ZDHHC14: variants seen among roughly 807,000 people sequenced by gnomAD.
ZDHHC14 encodes zDHHC palmitoyltransferase 14.
Under a neutral mutation model 47.7 loss-of-function variants are expected in ZDHHC14, and 16 were observed. The observed-to-expected ratio is 0.34, with a 90% CI of 0.23 to 0.51. The LOEUF is 0.51. Ranked by LOEUF, ZDHHC14 falls within the 20% of genes least tolerant of loss-of-function variation. ZDHHC14 has a pLI of 0.97. For synonymous variants in ZDHHC14, 293 were observed against 278.9 expected (o/e 1.05, Z -0.50); for missense variants, 515 against 662.5 (o/e 0.78, Z 2.44).
chr6:157,421,492 C>CAAAAAAA (rs147380621), intron 1 of ZDHHC14, among the ~76,000 whole-genome samples: 45 of 56,696 alleles, frequency 7.9e-4, no homozygotes, highest in Admixed American at 1.1e-3. Context: ...GACTCCGTCT[C>CAAAAAAA]AAAAAAAAAA....
At chr6:157,614,682 G>C (rs1311634259) in intron 3 of ZDHHC14, among the ~76,000 whole-genome samples, 1 of 152,114 alleles carries the variant, frequency 6.6e-6, no homozygotes, top group Non-Finnish European at 1.5e-5. Context: ...TAGCAGGGCC[G>C]GGGTCACCAG....
At chr6:157,574,435 G>C (rs1353846739) in intron 2 of ZDHHC14, among the ~76,000 whole-genome samples, 1 of 152,024 alleles carries the variant, frequency 6.6e-6, no homozygotes, top group African/African-American at 2.4e-5. Flanking sequence ...ATAAACATTG[G>C]AGCACCCGTG....
intron 3 of ZDHHC14, among the ~76,000 whole-genome samples, chr6:157,614,816 G>A (rs757712436): frequency 6.6e-6 from 1 of 150,414 alleles, no homozygotes; most frequent in Non-Finnish European, 1.5e-5. Context: ...TGTCACCCAC[G>A]CTGGAGTGCA....
chr6:157,428,350 T>C (rs926580087), intron 1 of ZDHHC14, among the ~76,000 whole-genome samples: 1 of 152,160 alleles, frequency 6.6e-6, no homozygotes, highest in Non-Finnish European at 1.5e-5. Context: ...GGGTAGTGTT[T>C]TTCTAAACCA....
intron 1 of ZDHHC14, among the ~76,000 whole-genome samples, chr6:157,478,016 C>T (rs927556983): frequency 6.6e-6 from 1 of 152,044 alleles, no homozygotes; most frequent in Non-Finnish European, 1.5e-5. Context: ...TAATTAAATA[C>T]CCTTTGTCAT....
chr6:157,418,471 G>C (rs1202935790), intron 1 of ZDHHC14, among the ~76,000 whole-genome samples: 1 of 152,154 alleles, frequency 6.6e-6, no homozygotes, highest in Non-Finnish European at 1.5e-5. Flanking sequence ...TATGGAACAG[G>C]ACATGTTTTT....
intron 1 of ZDHHC14, among the ~76,000 whole-genome samples, chr6:157,535,677 A>G (rs1039866165): frequency 6.6e-6 from 1 of 152,166 alleles, no homozygotes; most frequent in Admixed American, 6.5e-5. Flanking sequence ...ACGATTAGTC[A>G]CTAATCGTGC....
At chr6:157,479,693 G>A (rs940569602) in intron 1 of ZDHHC14, among the ~76,000 whole-genome samples, 9 of 152,192 alleles carry the variant, frequency 5.9e-5, no homozygotes, top group Non-Finnish European at 1.3e-4. Context: ...TGATCAAGTC[G>A]TTATCAGGAC....
At chr6:157,532,794 A>T (rs901210808) in intron 1 of ZDHHC14, among the ~76,000 whole-genome samples, 1 of 152,238 alleles carries the variant, frequency 6.6e-6, no homozygotes, top group African/African-American at 2.4e-5. Flanking sequence ...CAAGAGCTTC[A>T]GCCCGCTGAG....
At chr6:157,434,436 G>A (rs997021324) in intron 1 of ZDHHC14, among the ~76,000 whole-genome samples, 3 of 151,920 alleles carry the variant, frequency 2.0e-5, no homozygotes, top group African/African-American at 7.3e-5. Flanking sequence ...GACTGGAGTG[G>A]CCCTGCGTTC....
intron 1 of ZDHHC14, among the ~76,000 whole-genome samples, chr6:157,506,781 A>G (rs1780335637): frequency 6.6e-6 from 1 of 152,210 alleles, no homozygotes; most frequent in African/African-American, 2.4e-5. Context: ...TCTAAAGGAA[A>G]ACAACCACTC....
chr6:157,438,068 C>G (rs1778480198), intron 1 of ZDHHC14, among the ~76,000 whole-genome samples: 1 of 151,870 alleles, frequency 6.6e-6, no homozygotes. Flanking sequence ...ATCATTTTAA[C>G]TGTACAGTTC....
chr6:157,510,776 G>C (rs929882856), intron 1 of ZDHHC14, among the ~76,000 whole-genome samples: 2 of 152,198 alleles, frequency 1.3e-5, no homozygotes, highest in Admixed American at 6.5e-5. Context: ...TCCCAGCAAG[G>C]GGGGCGTTCA....
intron 1 of ZDHHC14, among the ~76,000 whole-genome samples, chr6:157,450,933 A>G (rs943185575): frequency 2.6e-5 from 4 of 152,144 alleles, no homozygotes; most frequent in Non-Finnish European, 5.9e-5. Context: ...TTGTATAAAA[A>G]CATTTTAGTG....
chr6:157,613,194 T>G (rs564964457), intron 3 of ZDHHC14, among the ~76,000 whole-genome samples: 13 of 152,248 alleles, frequency 8.5e-5, no homozygotes, highest in African/African-American at 3.1e-4. Context: ...CTCCTACAAA[T>G]TCGAATAAAA....
intron 1 of ZDHHC14, among the ~76,000 whole-genome samples, chr6:157,401,433 A>G (rs990298628): frequency 6.6e-6 from 1 of 152,278 alleles, no homozygotes; most frequent in African/African-American, 2.4e-5. Flanking sequence ...CATTTTATAG[A>G]CGAAGAAACT....
chr6:157,525,957 C>T (rs1413751316), intron 1 of ZDHHC14, among the ~76,000 whole-genome samples: 2 of 152,194 alleles, frequency 1.3e-5, no homozygotes, highest in Non-Finnish European at 2.9e-5. Flanking sequence ...CACTCTTCTG[C>T]CTGAATTATT....
At chr6:157,504,449 A>ATT (rs35677570) in intron 1 of ZDHHC14, among the ~76,000 whole-genome samples, 2,523 of 96,432 alleles carry the variant, frequency 0.026, 138 homozygotes, top group African/African-American at 0.1. Context: ...CACCCAGCCT[A>ATT]TTTTTTTTTT....
chr6:157,672,014 C>T (rs1050805602), intron 8 of ZDHHC14, among the ~76,000 whole-genome samples: 6 of 152,178 alleles, frequency 3.9e-5, no homozygotes, highest in Admixed American at 3.3e-4. Context: ...CCTCTTCCTC[C>T]CGCCCCAGCA....
Sources: gnomAD v4.1 joint callset for allele counts (sites outside exome capture counted in the v4.1 genomes callset) on GRCh38, gnomAD v4.1.1 for gene constraint, MANE v1.5 for transcripts, NCBI Gene and HGNC (gene_info 2026-07-23, HGNC 2026-07-21) for gene names.